Variants in ADD3 observed in about 807,000 individuals in gnomAD.
ADD3 encodes gamma-adducin.
A neutral mutation model predicts 80.2 loss-of-function variants in ADD3; 25 were observed. The ratio of observed to expected loss-of-function variants is 0.31; its 90% CI spans 0.23 to 0.44. The LOEUF is 0.44. ADD3 is among the 20% of genes least tolerant of loss of function. ADD3 has a pLI of 1.00. For missense variants in ADD3, 829 were observed against 847.5 expected (o/e 0.98, Z 0.27); for synonymous variants, 284 against 289.6 (o/e 0.98, Z 0.20).
At chr10:110,004,309 C>T (rs1250519960), upstream of ADD3, among the ~76,000 whole-genome samples, 8 of 150,804 alleles carry the variant, frequency 5.3e-5, no homozygotes, top group African/African-American at 1.7e-4. Context: ...CCGAGACAGG[C>T]GGATCACAAG....
chr10:110,072,777 GA>G (rs1445092815), intron 1 of ADD3, among the ~76,000 whole-genome samples: 1 of 152,182 alleles, frequency 6.6e-6, no homozygotes, highest in Non-Finnish European at 1.5e-5. Flanking sequence ...TTAACTGGGA[GA>G]ACAAAAGCTC....
chr10:110,047,605 T>C (rs1857042039), intron 1 of ADD3, among the ~76,000 whole-genome samples: 1 of 152,238 alleles, frequency 6.6e-6, no homozygotes, highest in Non-Finnish European at 1.5e-5. Flanking sequence ...TTTAATATTC[T>C]TTGAATCTTA....
In ADD3 at chr10:109,999,239, T is replaced by C. The variant is rs118033903; in HGVS notation, n.79+2793T>C. ...AGGCAAACAGATTTGTTTGCTACTC[T>C]ACCAACACACTTTATATTTTGCTGT... On this transcript the variant is annotated intron_variant and non_coding_transcript_variant, in intron 1 of 5. Transcript: ENST00000468251. Among the ~76,000 whole-genome samples, 50 of 152,324 alleles carry C rather than the reference T, an allele frequency of 3.3e-4. 3 individuals carry two copies. The East Asian group carries it at 9.3e-3, about 28-fold the overall frequency.
intron 1 of ADD3, among the ~76,000 whole-genome samples, chr10:110,020,759 G>C (rs969479719): frequency 6.6e-6 from 1 of 152,178 alleles, no homozygotes; most frequent in Admixed American, 6.5e-5. Context: ...AGTGAGAATT[G>C]ATTGGATTCT....
chr10:110,088,845 C>T (rs1251155826), intron 1 of ADD3, among the ~76,000 whole-genome samples: 2 of 152,042 alleles, frequency 1.3e-5, no homozygotes, highest in Admixed American at 6.5e-5. Context: ...CACCGTGGCA[C>T]GTCACAATGA....
intron 1 of ADD3, among the ~76,000 whole-genome samples, chr10:110,014,825 C>T (rs1852753388): frequency 6.6e-6 from 1 of 152,070 alleles, no homozygotes; most frequent in South Asian, 2.1e-4. Context: ...CCGCGTCCAG[C>T]CTTCTTTTAC....
chr10:110,021,462 C>T (rs1853662759), intron 1 of ADD3, among the ~76,000 whole-genome samples: 1 of 152,130 alleles, frequency 6.6e-6, no homozygotes, highest in South Asian at 2.1e-4. Context: ...TGGAAACAAC[C>T]CATATGCCTA....
At chr10:110,039,317 G>A (rs1439145625) in intron 1 of ADD3, among the ~76,000 whole-genome samples, 3 of 151,900 alleles carry the variant, frequency 2.0e-5, no homozygotes, top group Admixed American at 2.0e-4. Flanking sequence ...ACTGATTGGA[G>A]AAGAGCTTGA....
chr10:110,135,460 A>T lies in ADD3; in HGVS notation c.*1842A>T, dbSNP rs992756802. The T allele has an allele frequency of 8.5e-5, 13 of 152,670 alleles. No homozygotes were observed. Among genetic ancestry groups the T allele is most frequent in the African/African-American group, 2.7e-4 (11 of 41,462 alleles). The allele number at this position is 152,670 out of a possible 1,614,324, so 9.5% of individuals were successfully genotyped here. On this transcript the variant is annotated 3_prime_UTR_variant, in exon 15 of 15. Coordinates refer to ENST00000356080, the MANE Select transcript of ADD3 (RefSeq NM_016824.5). ...TTGCTTTGGCATAAAGAATGAGCCAATGAACCTCTGTGTCCTGTGGAAAAA... is the reference window on the plus strand; with the variant it reads ...TTGCTTTGGCATAAAGAATGAGCCATTGAACCTCTGTGTCCTGTGGAAAAA...
chr10:110,089,632 T>C (rs1451978179), intron 1 of ADD3, among the ~76,000 whole-genome samples: 1 of 152,080 alleles, frequency 6.6e-6, no homozygotes, highest in Non-Finnish European at 1.5e-5. Flanking sequence ...GTAAGATACT[T>C]GAGGGATTGC....
chr10:110,107,714 G>T (rs1168800543), intron 2 of ADD3, among the ~76,000 whole-genome samples: 1 of 152,000 alleles, frequency 6.6e-6, no homozygotes, highest in African/African-American at 2.4e-5. Flanking sequence ...TGGTAAAATG[G>T]GGAAAATACC....
Position 110,112,791 on chromosome 10 carries a change from C to T in ADD3, c.210C>T (p.Asp70=). ...QILQSPAFRE[D]LECLIQEQMK... ...GTGTATTACAGGCCTTTCGGGAAGA[C>T]TTGGAATGCCTTATTCAAGAACAGA... Residue 70 remains aspartate, a synonymous_variant, in exon 3 of 15, where the codon GAC becomes GAT. Transcript: ENST00000356080. The T allele has an allele frequency of 1.2e-6, 2 of 1,613,500 alleles. No individual in the cohort carries two copies. The highest frequency in any genetic ancestry group is 1.7e-6 in the Non-Finnish European group (2 of 1,179,812).
intron 1 of ADD3, among the ~76,000 whole-genome samples, chr10:110,052,454 G>A (rs1857628974): frequency 6.6e-6 from 1 of 152,180 alleles, no homozygotes; most frequent in Non-Finnish European, 1.5e-5. Context: ...CCCGAACCCT[G>A]TTGTGAACTG....
intron 1 of ADD3, among the ~76,000 whole-genome samples, chr10:110,028,071 G>T (rs979714478): frequency 4.6e-5 from 7 of 152,084 alleles, no homozygotes; most frequent in Non-Finnish European, 7.3e-5. Context: ...CATAGAATTG[G>T]GGTTAAATAC....
intron 1 of ADD3, among the ~76,000 whole-genome samples, chr10:110,096,019 CCTT>C (rs906492896): frequency 3.9e-5 from 6 of 152,104 alleles, no homozygotes; most frequent in African/African-American, 7.2e-5. Flanking sequence ...GAAATAATCT[CCTT>C]CTTGACTATA....
chr10:110,001,685 T>A (rs80298761), upstream of ADD3, among the ~76,000 whole-genome samples: 3,823 of 152,020 alleles, frequency 0.025, 154 homozygotes, highest in African/African-American at 0.082. Context: ...GATTTTTTTT[T>A]AAAAAAAGTC....
In ADD3 at chr10:110,132,480, A is replaced by T. The variant is rs570025258; in HGVS notation, c.1828+80A>T. On this transcript the variant is annotated intron_variant, in intron 14 of 14. Transcript: ENST00000356080. ...CTCTGTGTTTTGTTTTCACGTGAGG[A>T]AGTTGAATACCTCATCACAGTAAGT... 177 of 845,208 alleles carry T rather than the reference A, an allele frequency of 2.1e-4. 1 individual carries two copies. The African/African-American group carries it at 2.8e-3, about 13-fold the overall frequency. 52.4% of individuals were successfully genotyped at this position (845,208 alleles called of 1,614,324 possible).
chr10:110,053,007 G>A (rs1475887328), intron 1 of ADD3, among the ~76,000 whole-genome samples: 1 of 152,114 alleles, frequency 6.6e-6, no homozygotes, highest in Non-Finnish European at 1.5e-5. Context: ...TTAGAAAATG[G>A]AAACAAACAA....
chr10:110,018,822 A>G (rs1323083335), intron 1 of ADD3, among the ~76,000 whole-genome samples: 2 of 152,204 alleles, frequency 1.3e-5, no homozygotes, highest in East Asian at 3.8e-4. Flanking sequence ...ACATTAGAAT[A>G]TGGCAGGAGT....
Sources: gnomAD v4.1 joint callset for allele counts (sites outside exome capture counted in the v4.1 genomes callset) on GRCh38, gnomAD v4.1.1 for gene constraint, MANE v1.5 for transcripts, NCBI Gene and HGNC (gene_info 2026-07-23, HGNC 2026-07-21) for gene names.